Variants in NRDE2 observed in about 807,000 individuals in gnomAD.
NRDE2 encodes the protein NRDE-2, necessary for RNA interference, domain containing, also known as nuclear exosome regulator NRDE2.
Under a neutral mutation model 124.2 loss-of-function variants are expected in NRDE2, and 76 were observed. The ratio of observed to expected loss-of-function variants is 0.61; its 90% CI spans 0.51 to 0.74. NRDE2 has a LOEUF of 0.74. Ranked by LOEUF, NRDE2 falls within the 30% of genes least tolerant of loss-of-function variation. The pLI is 0.00. For missense variants in NRDE2, 1,314 were observed against 1,417.3 expected, an observed-to-expected ratio of 0.93 and a Z score of 1.17; for synonymous variants, 489 against 528.1, an observed-to-expected ratio of 0.93 and a Z score of 1.01.
rs1384873158 is a variant in NRDE2, at chr14:90,302,938, G to A, written c.1193C>T (p.Ser398Phe). ...LKLCTEFWEP[S>F]TLVKEWQKLI... is the part of the protein sequence containing the mutation. ...TTTCTGCCACTCTTTGACCAGAGTG[G>A]AGGGCTCCCAGAACTCTGTGCAGAG... is the stretch of plus-strand genomic sequence containing the variant. The change falls in exon 6 of 14, where the codon TCC (serine) becomes TTC (phenylalanine). Residue 398 changes from serine to phenylalanine, a missense_variant. Transcript: ENST00000354366. 1 of 1,613,952 alleles carries A rather than the reference G, an allele frequency of 6.2e-7. No homozygotes were observed. Among genetic ancestry groups the A allele is most frequent in the African/African-American group, 1.3e-5 (1 of 74,916 alleles).
In NRDE2 at chr14:90,304,139, G is replaced by C. The variant is rs1306296204; in HGVS notation, c.801C>G (p.Thr267=). The change falls in exon 5 of 14, where the codon ACC becomes ACG. Residue 267 remains threonine (T), a synonymous_variant. Transcript: ENST00000354366. ...CATAAATCCCCAGAGGATTCAACCA[G>C]GTTGTAACAGGAGCCGCATCTTCCA... ...KDLEDAAPVT[T]WLNPLGIYDQ... 6.2e-7 allele frequency: 1 copy of C among 1,614,062 alleles called. No homozygotes were observed. Among genetic ancestry groups the C allele is most frequent in the Non-Finnish European group, 8.5e-7 (1 of 1,180,042 alleles).
intron 4 of NRDE2, among the ~76,000 whole-genome samples, chr14:90,308,979 A>G (rs1286098284): frequency 6.6e-6 from 1 of 151,854 alleles, no homozygotes; most frequent in East Asian, 1.9e-4. Flanking sequence ...GTGGTGGCTC[A>G]TGCCTGTAAT....
At chr14:90,329,350 T>TATAC (rs1259752086) in intron 1 of NRDE2, among the ~76,000 whole-genome samples, 2 of 152,204 alleles carry the variant, frequency 1.3e-5, no homozygotes, top group African/African-American at 2.4e-5. Context: ...AAGGCCCTGG[T>TATAC]ATACACTTCC....
At chr14:90,320,058 C>T (rs1487946569) in intron 1 of NRDE2, among the ~76,000 whole-genome samples, 1 of 152,134 alleles carries the variant, frequency 6.6e-6, no homozygotes, top group African/African-American at 2.4e-5. Context: ...TTTCCATTTC[C>T]CTAATGACTA....
In NRDE2 at chr14:90,292,753, G is replaced by A. The variant is rs368425343; in HGVS notation, c.1786C>T (p.Arg596Cys). 5.7e-5 allele frequency: 92 copies of A among 1,614,046 alleles called. No homozygotes were observed. Among genetic ancestry groups the A allele is most frequent in the East Asian group, 2.5e-4 (11 of 44,894 alleles). ...GTTTGCTTCTTGGTCTTATCAGGGC[G>A]CCAGGGCCGCCAGTGCCTCTGGTCA... ...SRDQRHWRPW[R>C]PDKTKKQTEE... Residue 596 changes from arginine (R) to cysteine (C), a missense_variant, in exon 9 of 14, where the codon CGC becomes TGC. By Grantham distance (180) the Arg-to-Cys change is radical. Coordinates refer to ENST00000354366, the MANE Select transcript of NRDE2 (RefSeq NM_017970.4).
At chr14:90,331,132 T>A (rs188506645) in intron 1 of NRDE2, among the ~76,000 whole-genome samples, 18 of 152,184 alleles carry the variant, frequency 1.2e-4, no homozygotes, top group Non-Finnish European at 1.5e-5. Context: ...TTGATCATGA[T>A]GGTCATGAAC....
At chr14:90,299,720 T>A (rs959928264) in intron 7 of NRDE2, among the ~76,000 whole-genome samples, 3 of 152,118 alleles carry the variant, frequency 2.0e-5, no homozygotes, top group Non-Finnish European at 4.4e-5. Context: ...ACGTCAGTCA[T>A]CCTCAGAAAG....
intron 1 of NRDE2, among the ~76,000 whole-genome samples, chr14:90,325,774 G>C (rs927417650): frequency 1.6e-4 from 24 of 152,102 alleles, no homozygotes; most frequent in Non-Finnish European, 2.9e-5. Context: ...TGATCTGCCC[G>C]CCTTGGCCTC....
rs755472744 is a variant in NRDE2 at position 90,268,452 on chromosome 14, G to C, written c.*9884C>G. ...TACTTATTTTGCCTTGTTTAGTAGG[G>C]AACACCGCATAGCTCTTCTCTTGAG... is the stretch of plus-strand genomic sequence containing the variant. On this transcript the variant is annotated 3_prime_UTR_variant, in exon 14 of 14. Coordinates refer to ENST00000354366, the MANE Select transcript of NRDE2 (RefSeq NM_017970.4). 51 of 1,590,306 alleles carry C rather than the reference G, an allele frequency of 3.2e-5. 1 individual carries two copies. In the South Asian group the frequency reaches 4.7e-4, roughly 15 times the overall value.
intron 3 of NRDE2, among the ~76,000 whole-genome samples, chr14:90,314,472 C>T (rs1884966480): frequency 6.6e-6 from 1 of 152,176 alleles, no homozygotes; most frequent in Non-Finnish European, 1.5e-5. Context: ...CTATCTGGAT[C>T]ATAAAACTAT....
chr14:90,330,559 C>G (rs1017274503), intron 1 of NRDE2, among the ~76,000 whole-genome samples: 2 of 152,092 alleles, frequency 1.3e-5, no homozygotes, highest in Non-Finnish European at 2.9e-5. Flanking sequence ...TGCCTGTAAT[C>G]CTAGAACTTT....
intron 9 of NRDE2, among the ~76,000 whole-genome samples, 185 bp from the exon 10 acceptor site, chr14:90,290,792 G>A (rs903303980): frequency 5.3e-5 from 8 of 152,228 alleles, no homozygotes; most frequent in African/African-American, 1.9e-4. Flanking sequence ...TGGACAGCTG[G>A]AGAATAACTG....
At chr14:90,326,915 A>G (rs1369421690) in intron 1 of NRDE2, among the ~76,000 whole-genome samples, 1 of 152,242 alleles carries the variant, frequency 6.6e-6, no homozygotes, top group Non-Finnish European at 1.5e-5. Flanking sequence ...TATTAGTCAC[A>G]TTAATACTGT....
rs34247505 is a variant in NRDE2, at chr14:90,268,191, CTTT to C, written c.*10142_*10144del. On this transcript the variant is annotated 3_prime_UTR_variant, in exon 14 of 14. Transcript: ENST00000354366. ...TAAGTTAAAATGGCACTTAAGGTGTCTTTTTTTTTTTTATCTTTTTCATCCAAA... is the reference window on the plus strand; with the variant it reads ...TAAGTTAAAATGGCACTTAAGGTGTCTTTTTTTTTATCTTTTTCATCCAAA... 5.4e-3 allele frequency: 7,058 copies of C among 1,304,134 alleles called. 21 individuals carry two copies. The highest frequency in any genetic ancestry group is 6.6e-3 in the Non-Finnish European group (6,435 of 969,920). The allele number at this position is 1,304,134 out of a possible 1,614,324, so 80.8% of individuals were successfully genotyped here.
At chr14:90,316,927 T>A in intron 2 of NRDE2, 116 bp from the exon 3 acceptor site, 1 of 731,220 alleles carries the variant, frequency 1.4e-6, no homozygotes, top group Non-Finnish European at 2.2e-6. Context: ...CACACAGATT[T>A]ACTATTTGCC....
At chr14:90,290,042 C>T (rs1892228176) in intron 10 of NRDE2, among the ~76,000 whole-genome samples, 179 bp downstream of exon 10, 1 of 152,216 alleles carries the variant, frequency 6.6e-6, no homozygotes, top group African/African-American at 2.4e-5. Context: ...TCCTGCCTTA[C>T]TCCTCTTCAC....
At chr14:90,317,450 C>T (rs921165153) in intron 2 of NRDE2, among the ~76,000 whole-genome samples, 34 of 152,152 alleles carry the variant, frequency 2.2e-4, no homozygotes, top group African/African-American at 7.2e-4. Context: ...TACATCAACT[C>T]TTCTCAATTT....
chr14:90,307,692 G>A (rs185968798), intron 4 of NRDE2, among the ~76,000 whole-genome samples: 117 of 152,266 alleles, frequency 7.7e-4, no homozygotes, highest in Non-Finnish European at 2.6e-4. Flanking sequence ...TGGCTAACAC[G>A]GTGAAACCCC....
chr14:90,302,585 C>T, intron 6 of NRDE2, 135 bp downstream of exon 6: 2 of 1,045,922 alleles, frequency 1.9e-6, no homozygotes, highest in South Asian at 1.9e-5. Flanking sequence ...AGTCGTAATA[C>T]TTTTTTAAAA....
Sources: allele counts gnomAD v4.1 joint callset (sites outside exome capture counted in the v4.1 genomes callset), GRCh38; gene constraint gnomAD v4.1.1; transcripts MANE v1.5; gene names NCBI Gene and HGNC (gene_info 2026-07-23, HGNC 2026-07-21).